The following PRELID2 variants were observed in gnomAD, a reference collection of about 807,000 sequenced individuals.
PRELID2 encodes the protein PRELI domain-containing protein 2.
PRELID2 carries 25 observed loss-of-function variants against 28.4 expected under a neutral mutation model. The ratio of observed to expected loss-of-function variants is 0.88; its 90% CI spans 0.64 to 1.23. PRELID2 has a LOEUF of 1.23. PRELID2 is among the 50% of genes most tolerant of loss of function. PRELID2 has a pLI of 0.00. For synonymous variants in PRELID2, 76 were observed against 71.6 expected (o/e 1.06, Z -0.31); for missense variants, 201 against 214.4 (o/e 0.94, Z 0.39).
intron 1 of PRELID2, among the ~76,000 whole-genome samples, chr5:145,510,507 C>T (rs1173466142): frequency 6.6e-6 from 1 of 152,160 alleles, no homozygotes; most frequent in African/African-American, 2.4e-5. Context: ...ACTGATGATG[C>T]AATTCTTGGC....
At chr5:145,485,108 A>C (rs548014898) in intron 1 of PRELID2, among the ~76,000 whole-genome samples, 6 of 152,364 alleles carry the variant, frequency 3.9e-5, no homozygotes, top group African/African-American at 1.4e-4. Context: ...AGATAACTTC[A>C]AACAGTCATA....
intron 1 of PRELID2, among the ~76,000 whole-genome samples, chr5:145,541,690 A>C (rs1274803917): frequency 6.6e-6 from 1 of 152,064 alleles, no homozygotes; most frequent in African/African-American, 2.4e-5. Context: ...TGGGGGAGAG[A>C]ACCTGGGGAT....
intron 1 of PRELID2, among the ~76,000 whole-genome samples, chr5:145,689,386 G>C (rs978625357): frequency 6.6e-6 from 1 of 152,144 alleles, no homozygotes; most frequent in Non-Finnish European, 1.5e-5. Flanking sequence ...CTACGTTACA[G>C]AAACAGAAAG....
At chr5:145,450,788 G>A in the PRELID2 span, 1 of 152,206 alleles carries the variant, frequency 6.6e-6, no homozygotes, top group Non-Finnish European at 1.5e-5. Flanking sequence ...AGAGTAGCAA[G>A]GGAAGGCACC....
intron 4 of PRELID2, among the ~76,000 whole-genome samples, chr5:145,808,843 TAC>T (rs1453099336): frequency 1.3e-5 from 2 of 151,832 alleles, no homozygotes; most frequent in African/African-American, 4.8e-5. Flanking sequence ...GTGATTGTGT[TAC>T]TGCACTCCAG....
rs555418190 is a variant in PRELID2, at chr5:145,507,592, A to G, written n.71-34277T>C. On this transcript the variant is annotated intron_variant and non_coding_transcript_variant, in intron 1 of 2. Transcript: ENST00000510259. The stretch of plus-strand genomic sequence containing the variant: ...AGATTGCCAGTCCCCATTGTCACCC[A>G]GGTCATTCTGCTGGGGCTGTGGATG... Among the ~76,000 whole-genome samples the G allele has an allele frequency of 1.1e-4, 16 of 152,244 alleles. No individual in the cohort carries two copies. In the East Asian group the frequency reaches 2.3e-3, roughly 22 times the overall value.
At chr5:145,646,779 G>A (rs1487641410) in intron 1 of PRELID2, among the ~76,000 whole-genome samples, 2 of 152,186 alleles carry the variant, frequency 1.3e-5, no homozygotes, top group Non-Finnish European at 2.9e-5. Context: ...AGGCCCCTCT[G>A]CCGCAGGTCT....
chr5:145,538,197 A>G (rs1752718267), intron 1 of PRELID2, among the ~76,000 whole-genome samples: 1 of 151,736 alleles, frequency 6.6e-6, no homozygotes, highest in Admixed American at 6.6e-5. Context: ...ATTGTCCACT[A>G]TGTCCTTATG....
At chr5:145,627,302 G>A (rs1309944516) in intron 1 of PRELID2, among the ~76,000 whole-genome samples, 1 of 151,714 alleles carries the variant, frequency 6.6e-6, no homozygotes, top group Admixed American at 6.6e-5. Context: ...ACAAATGGGT[G>A]GTAAACAATG....
Position 145,521,517 on chromosome 5 carries a change from G to T in PRELID2, n.71-48202C>A, listed in dbSNP as rs146415406. ...GTAAAATATTCCCATTTTTAAATGAGTCGTTTTTAAAATCACTGTGTATAC... is the reference window on the plus strand; with the variant it reads ...GTAAAATATTCCCATTTTTAAATGATTCGTTTTTAAAATCACTGTGTATAC... On this transcript the variant is annotated intron_variant and non_coding_transcript_variant, in intron 1 of 2. Transcript: ENST00000510259. Among the ~76,000 whole-genome samples, 56 of 152,166 alleles carry T rather than the reference G, an allele frequency of 3.7e-4. No individual in the cohort carries two copies. In the East Asian group the frequency reaches 9.7e-3, roughly 26 times the overall value.
the PRELID2 span, among the ~76,000 whole-genome samples, chr5:145,262,853 T>G: frequency 6.6e-6 from 1 of 151,962 alleles, no homozygotes; most frequent in African/African-American, 2.4e-5. Flanking sequence ...ATACGAACAT[T>G]GAATATAAAT....
the PRELID2 span, among the ~76,000 whole-genome samples, chr5:145,354,200 C>T: frequency 1.5e-4 from 23 of 151,478 alleles, no homozygotes; most frequent in Admixed American, 9.2e-4. Context: ...CATTATTCGA[C>T]GACTTTCCTT....
chr5:145,785,640 T>C (rs1314656028), intron 5 of PRELID2, among the ~76,000 whole-genome samples: 10 of 152,188 alleles, frequency 6.6e-5, no homozygotes, highest in Non-Finnish European at 1.2e-4. Flanking sequence ...AATGTTAAAA[T>C]TGCAAATTTT....
the PRELID2 span, among the ~76,000 whole-genome samples, chr5:145,293,751 G>T: frequency 6.6e-6 from 1 of 152,132 alleles, no homozygotes; most frequent in East Asian, 1.9e-4. Context: ...AACATCTTTA[G>T]TCCTACAAGC....
intron 1 of PRELID2, among the ~76,000 whole-genome samples, chr5:145,532,629 C>A (rs1752664053): frequency 6.6e-6 from 1 of 151,998 alleles, no homozygotes. Flanking sequence ...CCATCCTGCC[C>A]CCAGCCCCTG....
the PRELID2 span, among the ~76,000 whole-genome samples, chr5:145,278,070 A>G: frequency 1.3e-5 from 2 of 152,108 alleles, no homozygotes; most frequent in Non-Finnish European, 2.9e-5. Context: ...AATCTATTGG[A>G]CATCTTCCAT....
chr5:145,620,474 G>A (rs1427084293), intron 1 of PRELID2, among the ~76,000 whole-genome samples: 4 of 152,156 alleles, frequency 2.6e-5, no homozygotes, highest in African/African-American at 9.7e-5. Context: ...ATTGAAAATG[G>A]GGGATGCTAC....
At chr5:145,716,706 T>C (rs1755853746) in intron 1 of PRELID2, among the ~76,000 whole-genome samples, 1 of 152,162 alleles carries the variant, frequency 6.6e-6, no homozygotes, top group Admixed American at 6.6e-5. Context: ...ACTATTATAT[T>C]ATAACCATTT....
At chr5:145,236,742 A>G in the PRELID2 span, among the ~76,000 whole-genome samples, 1 of 152,120 alleles carries the variant, frequency 6.6e-6, no homozygotes, top group Non-Finnish European at 1.5e-5. Context: ...AAAGTCTCAC[A>G]GGAATGTAAC....
Sources: allele counts gnomAD v4.1 joint callset (sites outside exome capture counted in the v4.1 genomes callset), GRCh38; gene constraint gnomAD v4.1.1; transcripts MANE v1.5; gene names NCBI Gene and HGNC (gene_info 2026-07-23, HGNC 2026-07-21).